Variants in CLCN4 observed in about 807,000 individuals in gnomAD.
CLCN4 encodes Cl-/H+ antiporter 4.
In CLCN4, 1 loss-of-function variant was observed where a neutral mutation model predicts 41.7. That is an observed-to-expected ratio of 0.02 (90% CI 0.01 to 0.11). The LOEUF is 0.11. CLCN4 is among the 10% of genes least tolerant of loss of function. The pLI is 1.00. For missense variants in CLCN4, 287 were observed against 661.0 expected (o/e 0.43, Z 6.20); for synonymous variants, 277 against 285.8 (o/e 0.97, Z 0.31).
Position 10,213,976 on chromosome X carries a change from G to C in CLCN4, c.1872G>C (p.Thr624=). 8.3e-7 allele frequency: 1 copy of C among 1,211,330 alleles called. No homozygotes were observed. The highest frequency in any genetic ancestry group is 1.1e-6 in the Non-Finnish European group (1 of 895,108). The change falls in exon 11 of 13, where the codon ACG becomes ACC. Residue 624 remains threonine (T), a synonymous_variant. Transcript: ENST00000380833. ...QDSMTVEDVE[T]LIKETDYNGF... ...GCATGACTGTCGAGGACGTGGAGAC[G>C]CTCATCAAGGAGACCGACTACAACG...
chrX:10,189,267 C>G (rs544567281), intron 4 of CLCN4, among the ~76,000 whole-genome samples: 2 of 112,288 alleles, frequency 1.8e-5, no homozygotes, highest in Admixed American at 1.9e-4. Context: ...GATAACGGCA[C>G]AGCTTAGATT....
intron 2 of CLCN4, among the ~76,000 whole-genome samples, chrX:10,160,028 T>C (rs1923052055): frequency 9.1e-6 from 1 of 110,115 alleles, no homozygotes; most frequent in Non-Finnish European, 1.9e-5. Context: ...GGTGAGGCTG[T>C]CCTGTGCATT....
chrX:10,183,026 G>T (rs1189443259), intron 2 of CLCN4, among the ~76,000 whole-genome samples: 1 of 112,037 alleles, frequency 8.9e-6, no homozygotes, highest in Admixed American at 9.4e-5. Context: ...TCTGACAAGG[G>T]CTCTCTTGGA....
chrX:10,213,421 G>A (rs1358413896), intron 10 of CLCN4, among the ~76,000 whole-genome samples: 1 of 111,685 alleles, frequency 9.0e-6, no homozygotes, highest in East Asian at 2.8e-4. Context: ...AGCTTGTGTG[G>A]GCCACGGTGA....
At chrX:10,162,225 G>A (rs1923128941) in intron 2 of CLCN4, among the ~76,000 whole-genome samples, 1 of 110,533 alleles carries the variant, frequency 9.0e-6, no homozygotes, top group South Asian at 3.9e-4. Flanking sequence ...TGCCATGTTG[G>A]ACAGGCTGGT....
At chrX:10,205,317 CA>C (rs1418786794) in intron 6 of CLCN4, among the ~76,000 whole-genome samples, 1 of 109,263 alleles carries the variant, frequency 9.2e-6, no homozygotes, top group African/African-American at 3.3e-5. Flanking sequence ...ACTAAAAGTA[CA>C]AAAAATTAGC....
intron 2 of CLCN4, among the ~76,000 whole-genome samples, chrX:10,184,021 C>T (rs1923748916): frequency 1.8e-5 from 2 of 111,822 alleles, no homozygotes; most frequent in South Asian, 3.7e-4. Flanking sequence ...TGCCTGGGCT[C>T]CCACCAACTC....
intron 2 of CLCN4, among the ~76,000 whole-genome samples, chrX:10,177,124 C>A (rs1304420150): frequency 8.9e-6 from 1 of 112,446 alleles, no homozygotes; most frequent in African/African-American, 3.2e-5. Context: ...TGAGAAAAAA[C>A]CAAAAGAATA....
intron 2 of CLCN4, among the ~76,000 whole-genome samples, chrX:10,170,084 G>A (rs1336366474): frequency 8.9e-6 from 1 of 111,742 alleles, no homozygotes; most frequent in Non-Finnish European, 1.9e-5. Context: ...CACCACACCC[G>A]CCCTCTTATC....
chrX:10,220,609 G>A, intron 11 of CLCN4, 52 bp from the exon 12 acceptor site: 1 of 1,000,712 alleles, frequency 1.0e-6, no homozygotes, highest in Non-Finnish European at 1.4e-6. Context: ...GTGGGGAATT[G>A]CTCAGCAAGG....
intron 2 of CLCN4, among the ~76,000 whole-genome samples, chrX:10,171,543 G>A (rs938431654): frequency 1.8e-5 from 2 of 111,672 alleles, no homozygotes; most frequent in African/African-American, 3.3e-5. Flanking sequence ...CGCAATGGGC[G>A]ACTGGAGCTT....
chrX:10,216,918 T>TATATGTACACACACAC (rs773265490), intron 11 of CLCN4, among the ~76,000 whole-genome samples: 1 of 38,931 alleles, frequency 2.6e-5, no homozygotes, highest in African/African-American at 1.1e-4. Flanking sequence ...TATATATATA[T>TATATGTACACACACAC]ACACACACAC....
rs781481522 is a variant in CLCN4 at position 10,235,629 on chromosome X, T to C, written c.*2045T>C. On this transcript the variant is annotated 3_prime_UTR_variant, in exon 13 of 13. Coordinates refer to ENST00000380833, the MANE Select transcript of CLCN4 (RefSeq NM_001830.4). ...TTCTTAGCTCTAATACGAATTTTCATGTTGGACAAAAACCTAGCTACAAAT... is the reference window on the plus strand; with the variant it reads ...TTCTTAGCTCTAATACGAATTTTCACGTTGGACAAAAACCTAGCTACAAAT... 5.4e-5 allele frequency: 6 copies of C among 112,139 alleles called. No homozygotes were observed. Among genetic ancestry groups the C allele is most frequent in the Admixed American group, 9.5e-5 (1 of 10,566 alleles). 9.2% of individuals were successfully genotyped at this position (112,139 alleles called of 1,213,427 possible).
chrX:10,181,788 C>T (rs974059949), intron 2 of CLCN4, among the ~76,000 whole-genome samples: 1 of 111,951 alleles, frequency 8.9e-6, no homozygotes, highest in Non-Finnish European at 1.9e-5. Flanking sequence ...GATCCCTGTT[C>T]TGAGAGCGAG....
chrX:10,176,753 G>T (rs984629938), intron 2 of CLCN4, among the ~76,000 whole-genome samples: 11 of 112,392 alleles, frequency 9.8e-5, no homozygotes, highest in African/African-American at 3.2e-4. Flanking sequence ...AATAGAGCAA[G>T]TTGGCAAATA....
intron 12 of CLCN4, among the ~76,000 whole-genome samples, chrX:10,223,958 TG>T (rs745981601): frequency 8.9e-6 from 1 of 112,004 alleles, no homozygotes; most frequent in Admixed American, 9.5e-5. Context: ...TCAAAGGGGC[TG>T]GAAGTTCAAA....
At chrX:10,170,819 G>A (rs998060424) in intron 2 of CLCN4, among the ~76,000 whole-genome samples, 35 of 112,706 alleles carry the variant, frequency 3.1e-4, no homozygotes, top group Non-Finnish European at 5.1e-4. Flanking sequence ...AGAAGCCTCA[G>A]CACAGCTTGG....
chrX:10,180,787 A>G (rs1410079408), intron 2 of CLCN4, among the ~76,000 whole-genome samples: 2 of 104,836 alleles, frequency 1.9e-5, no homozygotes, highest in Non-Finnish European at 3.9e-5. Flanking sequence ...AAAAAAAAAA[A>G]AAAAAAAGAA....
intron 3 of CLCN4, among the ~76,000 whole-genome samples, chrX:10,186,558 G>A (rs1223542634): frequency 1.8e-5 from 2 of 111,494 alleles, no homozygotes; most frequent in East Asian, 5.7e-4. Context: ...TGCTTCAGAC[G>A]AGGGTGAGGA....
Sources: gnomAD v4.1 joint callset for allele counts (sites outside exome capture counted in the v4.1 genomes callset) on GRCh38, gnomAD v4.1.1 for gene constraint, MANE v1.5 for transcripts, NCBI Gene and HGNC (gene_info 2026-07-23, HGNC 2026-07-21) for gene names.